Variants in PTPRG observed in about 807,000 individuals in gnomAD.
PTPRG encodes the protein receptor-type tyrosine-protein phosphatase gamma.
A neutral mutation model predicts 165.3 loss-of-function variants in PTPRG; 102 were observed. The ratio of observed to expected loss-of-function variants is 0.62; its 90% CI spans 0.53 to 0.73. PTPRG has a LOEUF of 0.73. Among genes scored for constraint, PTPRG ranks in the 30% least tolerant of loss-of-function variants. The pLI is 0.00. For missense variants in PTPRG, 1,866 were observed against 1,861.4 expected (o/e 1.00, Z -0.05); for synonymous variants, 675 against 669.5 (o/e 1.01, Z -0.13).
At chr3:62,130,620 G>A (rs1703478941) in intron 5 of PTPRG, among the ~76,000 whole-genome samples, 1 of 152,108 alleles carries the variant, frequency 6.6e-6, no homozygotes, top group Non-Finnish European at 1.5e-5. Flanking sequence ...ATCATTCTCT[G>A]GGATCCTTAT....
chr3:61,984,930 T>C (rs2040722102), intron 2 of PTPRG, among the ~76,000 whole-genome samples: 1 of 152,236 alleles, frequency 6.6e-6, no homozygotes, highest in East Asian at 1.9e-4. Context: ...TCTGATGTAT[T>C]CCCCATGATT....
At chr3:62,031,720 G>A (rs4688279) in intron 4 of PTPRG, among the ~76,000 whole-genome samples, 1 of 151,904 alleles carries the variant, frequency 6.6e-6, no homozygotes, top group African/African-American at 2.4e-5. Context: ...CAGGGGCTGG[G>A]TTAAGAAGTG....
chr3:62,195,094 C>T lies in PTPRG; in HGVS notation c.1251C>T (p.Ser417=). Residue 417 remains serine (S), a synonymous_variant, in exon 10 of 30, where the codon AGC becomes AGT. Transcript: ENST00000474889. This position sits in a 1 kb window ranked among gnomAD's most constrained non-coding sequence, Gnocchi z 4.4. ...CCATTAGCCATGTCTCACCCGATAG[C>T]CTTTACCTGTTCCGAGTCCAGGCCG... ...KATISHVSPD[S]LYLFRVQAVC... is the part of the protein sequence containing the mutation. 1.2e-6 allele frequency: 2 copies of T among 1,614,226 alleles called. No homozygotes were observed. Among genetic ancestry groups the T allele is most frequent in the Non-Finnish European group, 1.7e-6 (2 of 1,180,040 alleles).
In PTPRG at chr3:62,069,684, T is replaced by TCTCTCACATACA. The variant is rs542306888; in HGVS notation, c.520-8478_520-8477insTCTCACATACAC. ...CTCTCTCTCTCTCTCTCTCTCTCTC[T>TCTCTCACATACA]CACACACAGACACACGCACACACAC... On this transcript the variant is annotated intron_variant, in intron 4 of 29. Transcript: ENST00000474889. Among the ~76,000 whole-genome samples, 7 of 145,068 alleles carry TCTCTCACATACA rather than the reference T, an allele frequency of 4.8e-5. No individual in the cohort carries two copies. In the East Asian group the frequency reaches 1.3e-3, roughly 27 times the overall value.
intron 5 of PTPRG, among the ~76,000 whole-genome samples, chr3:62,122,566 A>AGCAGCACCCACGCCACTGCATAACG (rs1703116480): frequency 6.6e-6 from 1 of 151,910 alleles, no homozygotes; most frequent in African/African-American, 2.4e-5. Flanking sequence ...ACTGCATAAC[A>AGCAGCACCCACGCCACTGCATAACG]CTCTGTGACT....
At chr3:61,697,752 G>A (rs1209190834) in intron 1 of PTPRG, among the ~76,000 whole-genome samples, 1 of 151,986 alleles carries the variant, frequency 6.6e-6, no homozygotes, top group Non-Finnish European at 1.5e-5. Flanking sequence ...ATTGCCCACA[G>A]CCCCCCACTT....
intron 6 of PTPRG, among the ~76,000 whole-genome samples, chr3:62,137,874 C>T (rs1363654139): frequency 6.6e-6 from 1 of 152,206 alleles, no homozygotes; most frequent in East Asian, 1.9e-4. Context: ...CATGAGGCAT[C>T]CACTTATCGA....
At chr3:61,676,801 A>G (rs1367398643) in intron 1 of PTPRG, among the ~76,000 whole-genome samples, 1 of 152,090 alleles carries the variant, frequency 6.6e-6, no homozygotes, top group Non-Finnish European at 1.5e-5. Flanking sequence ...GCCAGATAGG[A>G]TAGAGATTGG....
At chr3:62,206,421 C>G (rs549662183) in intron 12 of PTPRG, among the ~76,000 whole-genome samples, 2 of 152,214 alleles carry the variant, frequency 1.3e-5, no homozygotes, top group East Asian at 3.9e-4. Context: ...AAGTCTTAGT[C>G]CCGTGTCCTC....
At chr3:61,696,619 T>G (rs2030613804) in intron 1 of PTPRG, among the ~76,000 whole-genome samples, 1 of 152,246 alleles carries the variant, frequency 6.6e-6, no homozygotes, top group Non-Finnish European at 1.5e-5. Context: ...ACACTTTCTT[T>G]TGTATTCATA....
At chr3:61,703,142 T>C (rs1379987983) in intron 1 of PTPRG, among the ~76,000 whole-genome samples, 1 of 152,072 alleles carries the variant, frequency 6.6e-6, no homozygotes, top group Admixed American at 6.5e-5. Context: ...GGTAAGGAAG[T>C]TGAATCTTTT....
intron 1 of PTPRG, among the ~76,000 whole-genome samples, chr3:61,661,032 A>G (rs574199432): frequency 6.6e-6 from 1 of 152,152 alleles, no homozygotes; most frequent in Admixed American, 6.5e-5. Flanking sequence ...AATTTAATAC[A>G]TTAAACAGGT....
At chr3:61,656,143 G>A (rs370540033) in intron 1 of PTPRG, among the ~76,000 whole-genome samples, 2 of 151,996 alleles carry the variant, frequency 1.3e-5, no homozygotes, top group Admixed American at 6.6e-5. Flanking sequence ...GAGGAGGGAG[G>A]ATCAGTTGAA....
At chr3:61,830,077 A>G (rs1001406249) in intron 2 of PTPRG, among the ~76,000 whole-genome samples, 2 of 152,352 alleles carry the variant, frequency 1.3e-5, no homozygotes, top group Non-Finnish European at 1.5e-5. Context: ...TATACACAGT[A>G]GTTGTCCTTA....
intron 4 of PTPRG, among the ~76,000 whole-genome samples, chr3:62,016,041 T>G (rs879784195): frequency 2.6e-5 from 4 of 151,576 alleles, no homozygotes; most frequent in Non-Finnish European, 3.0e-5. Context: ...TACTAAAGAA[T>G]GTAACATAGA....
chr3:62,221,045 C>T (rs1700639544), intron 13 of PTPRG, among the ~76,000 whole-genome samples: 1 of 152,166 alleles, frequency 6.6e-6, no homozygotes, highest in African/African-American at 2.4e-5. Context: ...GTATTTACTA[C>T]AGGTTTCTTA....
intron 4 of PTPRG, among the ~76,000 whole-genome samples, chr3:62,064,690 A>C (rs1192186460): frequency 6.6e-6 from 1 of 151,384 alleles, no homozygotes; most frequent in African/African-American, 2.4e-5. Flanking sequence ...GAAAAAACTA[A>C]GTAAAGATTC....
At chr3:61,733,203 T>TAA (rs2032583284) in intron 1 of PTPRG, among the ~76,000 whole-genome samples, 1 of 152,192 alleles carries the variant, frequency 6.6e-6, no homozygotes, top group African/African-American at 2.4e-5. Context: ...TTCAAACATG[T>TAA]TCTATATTGG....
At position 62,078,351 on chromosome 3, in the gene PTPRG, T is replaced by C. The variant is rs930999389; in HGVS notation, c.615+93T>C. ...TCCATGTTTAATGAATGCATCTGTTTTCTAGTTCACACCTGTCCAAATGAA... is the reference window on the plus strand; with the variant it reads ...TCCATGTTTAATGAATGCATCTGTTCTCTAGTTCACACCTGTCCAAATGAA... On this transcript the variant is annotated intron_variant, in intron 5 of 29. Coordinates refer to ENST00000474889, the MANE Select transcript of PTPRG (RefSeq NM_002841.4). 7 of 793,538 alleles carry C rather than the reference T, an allele frequency of 8.8e-6. No homozygotes were observed. In the African/African-American group the frequency reaches 8.9e-5, roughly 10 times the overall value. 49.2% of individuals were successfully genotyped at this position (793,538 alleles called of 1,614,324 possible). A position where few individuals can be genotyped will look rare whatever the true frequency, so the allele number is the denominator to read the frequency against.
Sources: allele counts gnomAD v4.1 joint callset (sites outside exome capture counted in the v4.1 genomes callset), GRCh38; gene constraint gnomAD v4.1.1; non-coding constraint Gnocchi (gnomAD v3.1); transcripts MANE v1.5; gene names NCBI Gene and HGNC (gene_info 2026-07-23, HGNC 2026-07-21).